Variants in GAS2L3 observed in about 807,000 individuals in gnomAD.
The protein encoded by GAS2L3 is growth arrest specific 2 like 3.
A neutral mutation model predicts 37.0 loss-of-function variants in GAS2L3; 28 were observed. The ratio of observed to expected loss-of-function variants is 0.76; its 90% CI spans 0.56 to 1.04. The LOEUF is 1.04. Among genes scored for constraint, GAS2L3 ranks in the 50% least tolerant of loss-of-function variants. The pLI is 0.00. For missense variants in GAS2L3, 793 were observed against 817.6 expected (o/e 0.97, Z 0.37); for synonymous variants, 290 against 296.6 (o/e 0.98, Z 0.23).
chr12:100,590,383 G>A (rs1955830773), intron 1 of GAS2L3, among the ~76,000 whole-genome samples: 1 of 152,144 alleles, frequency 6.6e-6, no homozygotes, highest in Non-Finnish European at 1.5e-5. Flanking sequence ...CCTCACTATT[G>A]CAAGAATAGC....
intron 4 of GAS2L3, among the ~76,000 whole-genome samples, chr12:100,600,962 A>G (rs1955981157): frequency 6.6e-6 from 1 of 152,108 alleles, no homozygotes; most frequent in Non-Finnish European, 1.5e-5. Context: ...TTTTTGAGGC[A>G]TTGAAGGATA....
In GAS2L3 at chr12:100,624,363, A is replaced by G. The variant is rs1296109282; in HGVS notation, c.1558A>G (p.Lys520Glu). The change falls in exon 10 of 10, where the codon AAA becomes GAA. Residue 520 changes from lysine (K) to glutamate (E), a missense_variant. Lys to Glu is a moderately conservative substitution (Grantham distance 56). Transcript: ENST00000547754. ...RPKPSFQSSAKMTKTSSKTIA... is the reference protein window; with the variant it reads ...RPKPSFQSSAEMTKTSSKTIA... ...TAAACCTTCTTTCCAGTCCTCTGCA[A>G]AAATGACAAAAACCAGTTCCAAAAC... 6.2e-7 allele frequency: 1 copy of G among 1,613,936 alleles called. No individual in the cohort carries two copies. Among genetic ancestry groups the G allele is most frequent in the Non-Finnish European group, 8.5e-7 (1 of 1,180,028 alleles).
chr12:100,626,725 A>G lies in GAS2L3; in HGVS notation c.*1835A>G, dbSNP rs1270814204. 6.6e-6 allele frequency: 1 copy of G among 152,224 alleles called. No individual in the cohort carries two copies. 9.4% of individuals were successfully genotyped at this position (152,224 alleles called of 1,614,324 possible). On this transcript the variant is annotated 3_prime_UTR_variant, in exon 10 of 10. Transcript: ENST00000547754. Reference sequence around the variant, plus strand: ...ACAATATGTAATTTATGTTGTTTACAGTATATAAACACTAAGTTTTGTGTT... The same window carrying G: ...ACAATATGTAATTTATGTTGTTTACGGTATATAAACACTAAGTTTTGTGTT...
intron 8 of GAS2L3, 126 bp downstream of exon 8, chr12:100,618,713 G>A (rs1232796656): frequency 1.4e-6 from 1 of 727,102 alleles, no homozygotes; most frequent in East Asian, 2.8e-5. Flanking sequence ...ATATAAACCG[G>A]TACTATTCTC....
At chr12:100,597,021 A>G (rs544819342) in intron 3 of GAS2L3, among the ~76,000 whole-genome samples, 12 of 152,128 alleles carry the variant, frequency 7.9e-5, no homozygotes, top group Non-Finnish European at 5.9e-5. Flanking sequence ...AGCCCAGGTT[A>G]TTACTAAAGT....
chr12:100,617,347 C>T (rs781511066), intron 6 of GAS2L3, among the ~76,000 whole-genome samples: 2 of 152,064 alleles, frequency 1.3e-5, no homozygotes, highest in South Asian at 4.1e-4. Context: ...GTACTTTCTC[C>T]TCTTTGTAAG....
intron 6 of GAS2L3, among the ~76,000 whole-genome samples, chr12:100,613,157 G>A (rs774285547): frequency 1.2e-4 from 19 of 152,126 alleles, no homozygotes; most frequent in Non-Finnish European, 2.8e-4. Flanking sequence ...GAAATGCTTT[G>A]AATTCTCTAG....
chr12:100,580,115 CTG>C (rs1955691679), intron 1 of GAS2L3: 2 of 955,316 alleles, frequency 2.1e-6, no homozygotes, highest in Non-Finnish European at 3.5e-6. Context: ...ATAGATGCCA[CTG>C]GGCCAAGGGG....
chr12:100,603,987 G>A (rs1956024797), intron 5 of GAS2L3, among the ~76,000 whole-genome samples: 2 of 151,884 alleles, frequency 1.3e-5, no homozygotes, highest in Admixed American at 1.3e-4. Context: ...CCATTGGTCT[G>A]TGTCTCTTTT....
At chr12:100,584,883 GTTTT>G (rs34138123) in intron 1 of GAS2L3, among the ~76,000 whole-genome samples, 1,423 of 78,178 alleles carry the variant, frequency 0.018, 27 homozygotes, top group African/African-American at 0.068. Flanking sequence ...TACTTGAATG[GTTTT>G]TTTTTTTTTT....
chr12:100,590,439 T>C (rs1248619412), intron 1 of GAS2L3, among the ~76,000 whole-genome samples: 1 of 152,164 alleles, frequency 6.6e-6, no homozygotes, highest in South Asian at 2.1e-4. Flanking sequence ...ATGGATGCGG[T>C]GAACAAGGAA....
intron 5 of GAS2L3, among the ~76,000 whole-genome samples, chr12:100,607,043 T>C (rs1956065592): frequency 6.6e-6 from 1 of 152,190 alleles, no homozygotes. Context: ...ACCAGAATAT[T>C]CTTATTGCTC....
At chr12:100,589,170 C>T (rs1030357673) in intron 1 of GAS2L3, among the ~76,000 whole-genome samples, 1 of 152,072 alleles carries the variant, frequency 6.6e-6, no homozygotes, top group Non-Finnish European at 1.5e-5. Flanking sequence ...AATTTATGTT[C>T]GTCTGCTGCG....
At chr12:100,619,952 C>A (rs1956233459) in intron 8 of GAS2L3, among the ~76,000 whole-genome samples, 1 of 151,958 alleles carries the variant, frequency 6.6e-6, no homozygotes, top group Admixed American at 6.6e-5. Flanking sequence ...CCATTTGCCC[C>A]ACTAGCAAGA....
chr12:100,610,111 A>G lies in GAS2L3; in HGVS notation c.304-1889A>G, dbSNP rs1001102642. Among the ~76,000 whole-genome samples the G allele has an allele frequency of 2.0e-5, 3 of 152,250 alleles. No individual in the cohort carries two copies. The South Asian group carries it at 6.2e-4, about 31-fold the overall frequency. ...GAATGGCGTAGGTTTGTATGCGGCTATCTCGCTCTGCCCCCTAAAGCACAT... is the reference window on the plus strand; with the variant it reads ...GAATGGCGTAGGTTTGTATGCGGCTGTCTCGCTCTGCCCCCTAAAGCACAT... On this transcript the variant is annotated intron_variant, in intron 5 of 9. Transcript: ENST00000547754.
At chr12:100,614,293 G>A (rs779688982) in intron 6 of GAS2L3, among the ~76,000 whole-genome samples, 47 of 151,912 alleles carry the variant, frequency 3.1e-4, no homozygotes, top group Admixed American at 1.3e-3. Flanking sequence ...GCGAAACCCC[G>A]TCTCTACAAA....
At chr12:100,602,052 G>C (rs1955997219) in intron 5 of GAS2L3, among the ~76,000 whole-genome samples, 1 of 152,242 alleles carries the variant, frequency 6.6e-6, no homozygotes, top group Admixed American at 6.5e-5. Flanking sequence ...TGAATGTATA[G>C]ATAGTGTCTA....
In GAS2L3 at chr12:100,586,293, G is replaced by A. The variant is rs138621394; in HGVS notation, c.-151-5443G>A. On this transcript the variant is annotated intron_variant, in intron 1 of 9. Coordinates refer to ENST00000547754, the MANE Select transcript of GAS2L3 (RefSeq NM_174942.3). ...CAGAATACACATTCTGTTCAACAGC[G>A]CATGGAACTTTCTCCAAGATAGACC... is the stretch of plus-strand genomic sequence containing the variant. 2.3e-3 allele frequency among the ~76,000 whole-genome samples: 352 copies of A among 152,282 alleles called. 1 individual carries two copies. The highest frequency in any genetic ancestry group is 7.9e-3 in the African/African-American group (329 of 41,572).
At chr12:100,614,012 A>G (rs569634528) in intron 6 of GAS2L3, among the ~76,000 whole-genome samples, 3 of 152,320 alleles carry the variant, frequency 2.0e-5, no homozygotes, top group Admixed American at 2.0e-4. Flanking sequence ...CTGCAACAGA[A>G]AAGGAGATGA....
Sources: gnomAD v4.1 joint callset for allele counts (sites outside exome capture counted in the v4.1 genomes callset) on GRCh38, gnomAD v4.1.1 for gene constraint, MANE v1.5 for transcripts, NCBI Gene and HGNC (gene_info 2026-07-23, HGNC 2026-07-21) for gene names.